The following LMBRD1 variants were observed in gnomAD, a reference collection of about 807,000 sequenced individuals.
LMBRD1 encodes lysosomal cobalamin transport escort protein LMBD1.
In LMBRD1, 64 loss-of-function variants were observed where a neutral mutation model predicts 74.8. The ratio of observed to expected loss-of-function variants is 0.86; its 90% CI spans 0.70 to 1.05. LMBRD1 has a LOEUF of 1.05. Among genes scored for constraint, LMBRD1 ranks in the 50% least tolerant of loss-of-function variants. The pLI, the probability that LMBRD1 is intolerant of heterozygous loss-of-function variation, is 0.00. For missense variants in LMBRD1, 652 were observed against 645.9 expected (o/e 1.01, Z -0.10); for synonymous variants, 204 against 216.3 (o/e 0.94, Z 0.50).
intron 14 of LMBRD1, among the ~76,000 whole-genome samples, chr6:69,680,487 C>T (rs1157085285): frequency 6.6e-6 from 1 of 152,110 alleles, no homozygotes; most frequent in Non-Finnish European, 1.5e-5. Context: ...TAATAATCCA[C>T]TTAGTGACAT....
intron 14 of LMBRD1, among the ~76,000 whole-genome samples, chr6:69,687,223 C>T (rs1286155530): frequency 6.6e-6 from 1 of 152,146 alleles, no homozygotes. Context: ...TGTGTTTGCT[C>T]TTCACTTCTT....
intron 3 of LMBRD1, among the ~76,000 whole-genome samples, chr6:69,757,123 G>A (rs894985489): frequency 2.0e-5 from 3 of 152,106 alleles, no homozygotes; most frequent in East Asian, 1.9e-4. Flanking sequence ...CATAAAAGAC[G>A]ATCACACAGC....
intron 3 of LMBRD1, among the ~76,000 whole-genome samples, chr6:69,777,441 T>A (rs1272744077): frequency 4.0e-5 from 5 of 124,294 alleles, no homozygotes; most frequent in Non-Finnish European, 9.0e-5. Flanking sequence ...CAAGACTCTG[T>A]TGCAAAAAAA....
At chr6:69,776,080 A>G (rs1765692701) in intron 3 of LMBRD1, among the ~76,000 whole-genome samples, 1 of 152,238 alleles carries the variant, frequency 6.6e-6, no homozygotes, top group African/African-American at 2.4e-5. Flanking sequence ...ATGTATAATG[A>G]TATGTGTCAA....
chr6:69,778,902 A>G (rs1299055622), intron 3 of LMBRD1, among the ~76,000 whole-genome samples: 1 of 152,148 alleles, frequency 6.6e-6, no homozygotes, highest in Non-Finnish European at 1.5e-5. Context: ...TTAAAATTCA[A>G]TGGGGCAGGG....
At chr6:69,793,572 A>G (rs1234012345) in intron 1 of LMBRD1, among the ~76,000 whole-genome samples, 2 of 152,230 alleles carry the variant, frequency 1.3e-5, no homozygotes, top group Non-Finnish European at 2.9e-5. Flanking sequence ...GCTAGATAGA[A>G]CAGTTTAGAT....
At chr6:69,762,133 G>A (rs1299363000) in intron 3 of LMBRD1, among the ~76,000 whole-genome samples, 1 of 152,114 alleles carries the variant, frequency 6.6e-6, no homozygotes, top group Non-Finnish European at 1.5e-5. Flanking sequence ...ATAGTCCATT[G>A]TATGCGCATA....
intron 8 of LMBRD1, among the ~76,000 whole-genome samples, chr6:69,715,594 C>T (rs1162161440): frequency 1.3e-5 from 2 of 152,118 alleles, no homozygotes; most frequent in Admixed American, 1.3e-4. Context: ...AGCTTCCCTT[C>T]ACACTGTCTG....
chr6:69,758,403 T>C (rs904860462), intron 3 of LMBRD1, among the ~76,000 whole-genome samples: 1 of 152,206 alleles, frequency 6.6e-6, no homozygotes, highest in South Asian at 2.1e-4. Context: ...TCGAGACTGA[T>C]AGTTGCATAT....
chr6:69,774,770 T>C (rs1234070370), intron 3 of LMBRD1, among the ~76,000 whole-genome samples: 1 of 151,732 alleles, frequency 6.6e-6, no homozygotes, highest in African/African-American at 2.4e-5. Context: ...AACTCAGAAC[T>C]CAAAACTCAC....
chr6:69,695,337 C>A (rs1765972204), intron 14 of LMBRD1, among the ~76,000 whole-genome samples: 1 of 151,710 alleles, frequency 6.6e-6, no homozygotes. Flanking sequence ...TTTTTTCAGC[C>A]TTCTTCTCCA....
At chr6:69,712,473 A>G (rs1446918863) in intron 9 of LMBRD1, among the ~76,000 whole-genome samples, 1 of 151,888 alleles carries the variant, frequency 6.6e-6, no homozygotes, top group African/African-American at 2.4e-5. Context: ...TGTTTCTCAC[A>G]GTTTTAACAA....
chr6:69,677,664 G>A (rs1224529182), intron 14 of LMBRD1, among the ~76,000 whole-genome samples: 2 of 151,860 alleles, frequency 1.3e-5, no homozygotes, highest in Admixed American at 6.6e-5. Flanking sequence ...CAATTCTCAC[G>A]GCAGCTCAAG....
chr6:69,719,386 G>A (rs1387030809), intron 7 of LMBRD1, among the ~76,000 whole-genome samples: 3 of 151,884 alleles, frequency 2.0e-5, no homozygotes, highest in African/African-American at 7.3e-5. Context: ...CGAAGGTTAA[G>A]ATACTATAAA....
chr6:69,697,482 T>C (rs1178381241), intron 14 of LMBRD1, 81 bp downstream of exon 14: 3 of 935,802 alleles, frequency 3.2e-6, no homozygotes, highest in South Asian at 1.3e-5. Flanking sequence ...GTAAAACAAA[T>C]GCATCAAATG....
At chr6:69,681,950 T>C (rs924036097) in intron 14 of LMBRD1, among the ~76,000 whole-genome samples, 1 of 151,678 alleles carries the variant, frequency 6.6e-6, no homozygotes, top group African/African-American at 2.4e-5. Flanking sequence ...AGATTGAAAG[T>C]AGAAAGAGGT....
intron 2 of LMBRD1, among the ~76,000 whole-genome samples, chr6:69,789,951 C>T (rs1171186970): frequency 2.6e-5 from 4 of 152,230 alleles, no homozygotes; most frequent in South Asian, 4.1e-4. Flanking sequence ...CAATATGAAA[C>T]GGAGATTAGG....
chr6:69,755,155 C>T (rs112913049), intron 3 of LMBRD1, among the ~76,000 whole-genome samples: 6,639 of 152,206 alleles, frequency 0.044, 477 homozygotes, highest in African/African-American at 0.15. Flanking sequence ...GCACTCTTTA[C>T]AATAGCAAAG....
intron 12 of LMBRD1, 46 bp downstream of exon 12, chr6:69,700,719 A>G: frequency 8.0e-7 from 1 of 1,251,840 alleles, no homozygotes; most frequent in Non-Finnish European, 1.1e-6. Context: ...TATGGAGATC[A>G]CACACAAAAT....
Sources: gnomAD v4.1 joint callset for allele counts (sites outside exome capture counted in the v4.1 genomes callset) on GRCh38, gnomAD v4.1.1 for gene constraint, MANE v1.5 for transcripts, NCBI Gene and HGNC (gene_info 2026-07-23, HGNC 2026-07-21) for gene names.